The following CNTNAP2 variants were observed in gnomAD, a reference collection of about 807,000 sequenced individuals.
The protein encoded by CNTNAP2 is contactin-associated protein-like 2.
In CNTNAP2, 98 loss-of-function variants were observed where a neutral mutation model predicts 155.2. The observed-to-expected ratio is 0.63, with a 90% CI of 0.54 to 0.75. CNTNAP2 has a LOEUF of 0.75. CNTNAP2 is among the 30% of genes least tolerant of loss of function. The pLI, the probability that CNTNAP2 is intolerant of heterozygous loss-of-function variation, is 0.00. For missense variants in CNTNAP2, 1,727 were observed against 1,688.1 expected (o/e 1.02, Z -0.40); for synonymous variants, 651 against 631.2 (o/e 1.03, Z -0.47).
intron 1 of CNTNAP2, among the ~76,000 whole-genome samples, chr7:146,489,210 G>T (rs1797103221): frequency 6.6e-6 from 1 of 152,000 alleles, no homozygotes; most frequent in Non-Finnish European, 1.5e-5. Flanking sequence ...CAAATATAAT[G>T]TATCAATTTT....
intron 8 of CNTNAP2, among the ~76,000 whole-genome samples, chr7:147,172,401 A>C (rs548995470): frequency 1.3e-5 from 2 of 152,284 alleles, no homozygotes; most frequent in African/African-American, 4.8e-5. Flanking sequence ...TGCATTATGC[A>C]TTCTCTTTTC....
intron 1 of CNTNAP2, among the ~76,000 whole-genome samples, chr7:146,161,576 G>A (rs577892344): frequency 6.6e-6 from 1 of 152,212 alleles, no homozygotes; most frequent in South Asian, 2.1e-4. Flanking sequence ...TTGTGAAAAT[G>A]GCCATACTAC....
At chr7:148,209,077 T>G (rs1240286854) in intron 18 of CNTNAP2, among the ~76,000 whole-genome samples, 2 of 152,136 alleles carry the variant, frequency 1.3e-5, no homozygotes, top group Non-Finnish European at 2.9e-5. Flanking sequence ...GCTCTTTGAC[T>G]TCTATGCTTC....
intron 9 of CNTNAP2, among the ~76,000 whole-genome samples, chr7:147,326,513 G>C (rs1181127079): frequency 1.3e-5 from 2 of 152,098 alleles, no homozygotes; most frequent in Non-Finnish European, 2.9e-5. Flanking sequence ...ATATTTGTTT[G>C]AGCCTCTGCT....
In CNTNAP2 at chr7:146,647,641, G is replaced by C. The variant is rs139900872; in HGVS notation, c.98-126630G>C. Among the ~76,000 whole-genome samples, 286 of 152,208 alleles carry C rather than the reference G, an allele frequency of 1.9e-3. 1 individual carries two copies. The Middle Eastern group carries it at 0.02, about 11-fold the overall frequency. On this transcript the variant is annotated intron_variant, in intron 1 of 23. Coordinates refer to ENST00000361727, the MANE Select transcript of CNTNAP2 (RefSeq NM_014141.6). The stretch of plus-strand genomic sequence containing the variant: ...CAACAAGTGTTGGCAGACTGGTTCA[G>C]CATGGTGGCTGCGAAAAGAAAAACA...
chr7:147,787,777 A>G (rs1181850458), intron 13 of CNTNAP2, among the ~76,000 whole-genome samples: 1 of 152,234 alleles, frequency 6.6e-6, no homozygotes, highest in Non-Finnish European at 1.5e-5. Context: ...TTAGGCAATA[A>G]TGAGAGCTAG....
At chr7:147,464,572 C>T (rs1049301989) in intron 10 of CNTNAP2, among the ~76,000 whole-genome samples, 1 of 151,214 alleles carries the variant, frequency 6.6e-6, no homozygotes, top group Middle Eastern at 3.2e-3. Flanking sequence ...GGAATTGCCA[C>T]AATTTTTAGT....
intron 12 of CNTNAP2, among the ~76,000 whole-genome samples, chr7:147,594,308 G>C (rs1233391175): frequency 6.6e-6 from 1 of 151,916 alleles, no homozygotes. Context: ...GGTATCTTGG[G>C]TTTGATCTTC....
chr7:148,259,225 A>G (rs1173671248), intron 20 of CNTNAP2, among the ~76,000 whole-genome samples: 5 of 128,888 alleles, frequency 3.9e-5, no homozygotes, highest in African/African-American at 1.4e-4. Flanking sequence ...GCATGGTGGT[A>G]TGCACCTGTG....
At chr7:148,176,207 T>C (rs1387588857) in intron 18 of CNTNAP2, among the ~76,000 whole-genome samples, 8 of 136,706 alleles carry the variant, frequency 5.9e-5, no homozygotes, top group Non-Finnish European at 1.1e-4. Context: ...TTTTCTTTCT[T>C]TCTCTTTTTT....
chr7:146,218,497 A>C (rs1190046218), intron 1 of CNTNAP2, among the ~76,000 whole-genome samples: 1 of 151,912 alleles, frequency 6.6e-6, no homozygotes, highest in African/African-American at 2.4e-5. Flanking sequence ...TGACAGAGTG[A>C]GACTCTGTCT....
At chr7:146,664,206 G>T in intron 1 of CNTNAP2, among the ~76,000 whole-genome samples, 1 of 125,864 alleles carries the variant, frequency 7.9e-6, no homozygotes. Flanking sequence ...CTGTCGCCCA[G>T]GTTGGTGTGC....
chr7:148,355,813 G>C lies in CNTNAP2; in HGVS notation c.3476-27836G>C, dbSNP rs563763365. Among the ~76,000 whole-genome samples, 35 of 152,368 alleles carry C rather than the reference G, an allele frequency of 2.3e-4. 1 individual carries two copies. The South Asian group carries it at 5.6e-3, about 24-fold the overall frequency. ...GGACAGCAGAATCCAGCAAAGGTCTGTCTGTATCACAAAGGAAAGCCACAT... is the reference window on the plus strand; with the variant it reads ...GGACAGCAGAATCCAGCAAAGGTCTCTCTGTATCACAAAGGAAAGCCACAT... On this transcript the variant is annotated intron_variant, in intron 21 of 23. Transcript: ENST00000361727.
chr7:146,670,407 T>C (rs1032845237), intron 1 of CNTNAP2, among the ~76,000 whole-genome samples: 11 of 152,122 alleles, frequency 7.2e-5, no homozygotes, highest in African/African-American at 2.2e-4. Context: ...TAGCCAGAGA[T>C]AGTCCTAAAA....
intron 12 of CNTNAP2, 126 bp downstream of exon 12, chr7:147,562,383 TG>T: frequency 5.7e-6 from 7 of 1,218,262 alleles, no homozygotes; most frequent in Non-Finnish European, 8.3e-6. Context: ...AACATATTGC[TG>T]GATTTGTTAG....
At chr7:148,359,023 T>C (rs1798571135) in intron 21 of CNTNAP2, among the ~76,000 whole-genome samples, 1 of 152,248 alleles carries the variant, frequency 6.6e-6, no homozygotes. Flanking sequence ...TGTACAGTGG[T>C]GGTCCTATGA....
At chr7:148,305,511 G>A (rs1797476128) in intron 21 of CNTNAP2, among the ~76,000 whole-genome samples, 2 of 152,132 alleles carry the variant, frequency 1.3e-5, no homozygotes, top group Non-Finnish European at 2.9e-5. Context: ...AGAACTACAT[G>A]AGACTGGGTA....
At chr7:148,077,639 G>A (rs531454038) in intron 15 of CNTNAP2, among the ~76,000 whole-genome samples, 2 of 151,920 alleles carry the variant, frequency 1.3e-5, no homozygotes, top group South Asian at 2.1e-4. Flanking sequence ...TCTTTTTTTC[G>A]GATATAAAAC....
chr7:146,416,267 C>CATATATACCTAT (rs539291111), intron 1 of CNTNAP2, among the ~76,000 whole-genome samples: 46 of 150,248 alleles, frequency 3.1e-4, no homozygotes, highest in African/African-American at 9.0e-4. Context: ...CATATATATA[C>CATATATACCTAT]ATATATACCT....
Sources: gnomAD v4.1 joint callset for allele counts (sites outside exome capture counted in the v4.1 genomes callset) on GRCh38, gnomAD v4.1.1 for gene constraint, MANE v1.5 for transcripts, NCBI Gene and HGNC (gene_info 2026-07-23, HGNC 2026-07-21) for gene names.